The following DCC variants were observed in gnomAD, a reference collection of about 807,000 sequenced individuals.
DCC encodes the protein netrin receptor DCC.
A neutral mutation model predicts 172.5 loss-of-function variants in DCC; 58 were observed. The ratio of observed to expected loss-of-function variants is 0.34; its 90% CI spans 0.27 to 0.42. The LOEUF (loss-of-function observed/expected upper bound fraction) is 0.42, where lower values mean the gene tolerates loss of function less well. Ranked by LOEUF, DCC falls within the 10% of genes least tolerant of loss-of-function variation. The pLI, the probability that DCC is intolerant of heterozygous loss-of-function variation, is 1.00. For synonymous variants in DCC, 709 were observed against 644.5 expected, an observed-to-expected ratio of 1.10 and a Z score of -1.52; for missense variants, 1,740 against 1,791.0, an observed-to-expected ratio of 0.97 and a Z score of 0.51.
At chr18:52,923,008 T>C (rs2040148117) in intron 3 of DCC, among the ~76,000 whole-genome samples, 1 of 152,102 alleles carries the variant, frequency 6.6e-6, no homozygotes, top group Non-Finnish European at 1.5e-5. Context: ...GTTCCATATA[T>C]AGAACTAGTA....
intron 1 of DCC, among the ~76,000 whole-genome samples, chr18:52,494,147 T>C (rs1163988945): frequency 1.3e-5 from 2 of 152,138 alleles, no homozygotes; most frequent in African/African-American, 4.8e-5. Context: ...TCCTCATTTC[T>C]GTTGAGAGGT....
rs181807916 is a variant in DCC at position 53,500,360 on chromosome 18, A to G, written c.4111+850A>G. Among the ~76,000 whole-genome samples the G allele has an allele frequency of 2.5e-4, 38 of 152,278 alleles. No individual in the cohort carries two copies. The East Asian group carries it at 6.5e-3, about 26-fold the overall frequency. On this transcript the variant is annotated intron_variant, in intron 27 of 28. Coordinates refer to ENST00000442544, the MANE Select transcript of DCC (RefSeq NM_005215.4). ...TAGAATAATTCTTAAAATCCTCAGTATATCAGGCATAAGATAGTAAATTTC... is the reference window on the plus strand; with the variant it reads ...TAGAATAATTCTTAAAATCCTCAGTGTATCAGGCATAAGATAGTAAATTTC...
At chr18:52,343,168 A>T (rs1398494641) in intron 1 of DCC, among the ~76,000 whole-genome samples, 1 of 152,196 alleles carries the variant, frequency 6.6e-6, no homozygotes, top group East Asian at 1.9e-4. Flanking sequence ...AATTCACAAC[A>T]CTCTGGCCTT....
At chr18:52,468,207 A>C (rs1415971137) in intron 1 of DCC, among the ~76,000 whole-genome samples, 1 of 152,240 alleles carries the variant, frequency 6.6e-6, no homozygotes, top group African/African-American at 2.4e-5. Context: ...AATATGAAAC[A>C]ATCAAATAAT....
intron 1 of DCC, among the ~76,000 whole-genome samples, chr18:52,566,687 G>A (rs902030927): frequency 8.6e-5 from 13 of 152,012 alleles, no homozygotes; most frequent in African/African-American, 2.7e-4. Context: ...TGAGAAGGCT[G>A]GAATTGGGAA....
chr18:53,013,405 G>A (rs1161165526), intron 5 of DCC, among the ~76,000 whole-genome samples: 1 of 152,012 alleles, frequency 6.6e-6, no homozygotes, highest in South Asian at 2.1e-4. Context: ...AGACGTGGGT[G>A]AAGCTGGAAA....
intron 5 of DCC, among the ~76,000 whole-genome samples, chr18:52,986,466 A>T (rs905784366): frequency 2.0e-5 from 3 of 152,056 alleles, no homozygotes; most frequent in Non-Finnish European, 1.5e-5. Context: ...ACCTCCTAAG[A>T]GGCTTTGTCC....
chr18:52,502,959 T>C (rs961117306), intron 1 of DCC, among the ~76,000 whole-genome samples: 6 of 152,224 alleles, frequency 3.9e-5, no homozygotes, highest in African/African-American at 1.4e-4. Context: ...ATATTTGTCA[T>C]ATTATACATT....
intron 2 of DCC, among the ~76,000 whole-genome samples, chr18:52,788,306 A>G (rs2037696553): frequency 6.6e-6 from 1 of 152,194 alleles, no homozygotes; most frequent in Non-Finnish European, 1.5e-5. Flanking sequence ...AACTCTTTGC[A>G]ACTTTTAATG....
chr18:53,323,857 CAAT>C (rs2057438137), intron 14 of DCC, among the ~76,000 whole-genome samples: 2 of 152,068 alleles, frequency 1.3e-5, no homozygotes, highest in African/African-American at 4.8e-5. Context: ...AAAGTCAAGA[CAAT>C]GATGCTGTTT....
At chr18:53,059,772 A>G (rs921600860) in intron 5 of DCC, among the ~76,000 whole-genome samples, 1 of 152,068 alleles carries the variant, frequency 6.6e-6, no homozygotes, top group African/African-American at 2.4e-5. Context: ...AACTTCTTCT[A>G]CTCATCTTCT....
intron 2 of DCC, among the ~76,000 whole-genome samples, chr18:52,777,848 TA>T (rs2037462150): frequency 6.6e-6 from 1 of 151,884 alleles, no homozygotes. Flanking sequence ...TTTTTTTAAG[TA>T]AGAAATGCCA....
intron 13 of DCC, among the ~76,000 whole-genome samples, chr18:53,320,874 T>G (rs1228347193): frequency 6.6e-6 from 1 of 152,178 alleles, no homozygotes; most frequent in Admixed American, 6.5e-5. Flanking sequence ...TCATGGAGCT[T>G]CTAGTCTATT....
At chr18:52,544,452 T>TTTC (rs531787682) in intron 1 of DCC, among the ~76,000 whole-genome samples, 2 of 144,186 alleles carry the variant, frequency 1.4e-5, no homozygotes, top group Non-Finnish European at 3.0e-5. Context: ...TCTTTCTTTC[T>TTTC]TTTTTTTTTT....
At chr18:52,539,799 A>T (rs2032387982) in intron 1 of DCC, among the ~76,000 whole-genome samples, 1 of 152,216 alleles carries the variant, frequency 6.6e-6, no homozygotes, top group South Asian at 2.1e-4. Flanking sequence ...ACTATGCAAG[A>T]TAATACATGT....
intron 1 of DCC, among the ~76,000 whole-genome samples, chr18:52,592,712 T>C (rs142013730): frequency 0.041 from 6,319 of 152,288 alleles, 161 homozygotes; most frequent in Non-Finnish European, 0.054. Context: ...CAACTCATTG[T>C]AACGTCCGCC....
At chr18:52,925,138 T>G in intron 4 of DCC, 96 bp from the exon 5 acceptor site, 1 of 1,240,484 alleles carries the variant, frequency 8.1e-7, no homozygotes, top group Non-Finnish European at 1.2e-6. Flanking sequence ...TCAAGTGTCT[T>G]AATTTGAGCT....
chr18:53,526,605 T>C lies in DCC; in HGVS notation c.4112-12T>C, dbSNP rs1415751314. ...TTCTACATTACTTTCATCACTGTGT[T>C]TTCTATTTCAGGGCCCACTCTTCCT... is the stretch of plus-strand genomic sequence containing the variant. On this transcript the variant is annotated splice_polypyrimidine_tract_variant and intron_variant, in intron 27 of 28. Coordinates refer to ENST00000442544, the MANE Select transcript of DCC (RefSeq NM_005215.4). 1 of 1,613,252 alleles carries C rather than the reference T, an allele frequency of 6.2e-7. No homozygotes were observed. The highest frequency in any genetic ancestry group is 1.1e-5 in the South Asian group (1 of 91,084).
In DCC at chr18:52,981,736, C is replaced by T. The variant is rs530492434; in HGVS notation, c.985+56366C>T. ...CTCACTATAAGTTTACTGAAGAGGA[C>T]ATTTAAAACATGTAAATTTACATTT... On this transcript the variant is annotated intron_variant, in intron 5 of 28. Transcript: ENST00000442544. 9.9e-5 allele frequency among the ~76,000 whole-genome samples: 15 copies of T among 152,050 alleles called. No homozygotes were observed. In the East Asian group the frequency reaches 2.9e-3, roughly 29 times the overall value.
Sources: gnomAD v4.1 joint callset for allele counts (sites outside exome capture counted in the v4.1 genomes callset) on GRCh38, gnomAD v4.1.1 for gene constraint, MANE v1.5 for transcripts, NCBI Gene and HGNC (gene_info 2026-07-23, HGNC 2026-07-21) for gene names.